HTR4: variants seen among roughly 807,000 people sequenced by gnomAD.
The protein encoded by HTR4 is 5-hydroxytryptamine receptor 4.
HTR4 carries 16 observed loss-of-function variants against 36.8 expected under a neutral mutation model. The ratio of observed to expected loss-of-function variants is 0.43; its 90% CI spans 0.29 to 0.66. HTR4 has a LOEUF of 0.66. Ranked by LOEUF, HTR4 falls within the 30% of genes least tolerant of loss-of-function variation. The pLI is 0.13. For synonymous variants in HTR4, 189 were observed against 185.1 expected (o/e 1.02, Z -0.17); for missense variants, 438 against 490.9 (o/e 0.89, Z 1.02).
At chr5:148,505,906 C>T (rs1757175352) in intron 6 of HTR4, among the ~76,000 whole-genome samples, 1 of 152,156 alleles carries the variant, frequency 6.6e-6, no homozygotes, top group African/African-American at 2.4e-5. Flanking sequence ...ATTCCATGCT[C>T]ATGGATAGGA....
intron 4 of HTR4, among the ~76,000 whole-genome samples, chr5:148,528,261 C>A (rs893476708): frequency 6.6e-6 from 1 of 152,122 alleles, no homozygotes; most frequent in Non-Finnish European, 1.5e-5. Context: ...TTGACCTCTG[C>A]AGCTTCTTCA....
intron 2 of HTR4, among the ~76,000 whole-genome samples, chr5:148,617,618 G>A (rs1208898392): frequency 1.3e-4 from 19 of 151,834 alleles, no homozygotes; most frequent in African/African-American, 4.3e-4. Context: ...ACAGGTGCAC[G>A]CCACCACACC....
At position 148,481,631 on chromosome 5, in the gene HTR4, T is replaced by C. The variant is rs200338220; in HGVS notation, c.*1572A>G. The C allele has an allele frequency of 1.1e-4, 172 of 1,497,684 alleles. No individual in the cohort carries two copies. The highest frequency in any genetic ancestry group is 1.4e-4 in the Non-Finnish European group (155 of 1,134,942). 92.8% of individuals were successfully genotyped at this position (1,497,684 alleles called of 1,614,324 possible). Reference sequence around the variant, plus strand: ...TTCCTGTCGGTTTCAGTTCCAGAACTAAAGTAAACAACAATGGAAACAATA... The same window carrying C: ...TTCCTGTCGGTTTCAGTTCCAGAACCAAAGTAAACAACAATGGAAACAATA... On this transcript the variant is annotated 3_prime_UTR_variant, in exon 7 of 7. Coordinates refer to ENST00000377888, the MANE Select transcript of HTR4 (RefSeq NM_000870.7).
At chr5:148,562,233 A>G (rs1034259225) in intron 2 of HTR4, among the ~76,000 whole-genome samples, 4 of 152,212 alleles carry the variant, frequency 2.6e-5, no homozygotes, top group African/African-American at 7.2e-5. Context: ...GAGAGATTTC[A>G]TGGCCCGAAG....
intron 2 of HTR4, among the ~76,000 whole-genome samples, chr5:148,560,871 A>G (rs1238216571): frequency 6.6e-6 from 1 of 152,190 alleles, no homozygotes; most frequent in Non-Finnish European, 1.5e-5. Context: ...TTCCTTTAAA[A>G]AAACACATGC....
In HTR4 at chr5:148,512,441, CTCTT is replaced by C. The variant is rs35057529; in HGVS notation, c.508-2421_508-2418del. Reference sequence around the variant, plus strand: ...CCATTTTAAAAATTAAGTTGTAACTCTCTTTCTTATTGATTTTTAATATAATAGT... The same window carrying C: ...CCATTTTAAAAATTAAGTTGTAACTCTCTTATTGATTTTTAATATAATAGT... On this transcript the variant is annotated intron_variant, in intron 5 of 6. Transcript: ENST00000377888. 7.1e-3 allele frequency among the ~76,000 whole-genome samples: 1,086 copies of C among 152,232 alleles called. 14 individuals are homozygous for C. Among genetic ancestry groups the C allele is most frequent in the African/African-American group, 0.025 (1,036 of 41,534 alleles).
chr5:148,505,304 C>A (rs1430041161), intron 6 of HTR4, among the ~76,000 whole-genome samples: 1 of 152,106 alleles, frequency 6.6e-6, no homozygotes, highest in African/African-American at 2.4e-5. Flanking sequence ...CAGAAAAGGC[C>A]TTTGACAAAA....
downstream of HTR4, chr5:148,481,469 G>A: frequency 9.4e-7 from 1 of 1,058,922 alleles, no homozygotes; most frequent in Non-Finnish European, 1.4e-6. Flanking sequence ...TCTTTCAGAG[G>A]CTATTTTCCT....
chr5:148,646,747 C>T (rs146016014), intron 1 of HTR4, among the ~76,000 whole-genome samples: 1 of 152,188 alleles, frequency 6.6e-6, no homozygotes, highest in African/African-American at 2.4e-5. Flanking sequence ...TAACCCTTCA[C>T]GTGCATTACT....
chr5:148,550,162 C>A lies in HTR4; in HGVS notation c.127G>T (p.Ala43Ser). Reference sequence around the variant, plus strand: ...CTGAGCTGCCTGTCCCAGCACACAGCCACCATCACCAGCAGGTTCCCCAAG... The same window carrying A: ...CTGAGCTGCCTGTCCCAGCACACAGACACCATCACCAGCAGGTTCCCCAAG... Reference protein sequence around the residue: ...AILGNLLVMVAVCWDRQLRKI... With the variant: ...AILGNLLVMVSVCWDRQLRKI... Residue 43 changes from alanine to serine, a missense_variant, in exon 3 of 7, where the codon GCT becomes TCT. Ala to Ser is a moderately conservative substitution (Grantham distance 99, BLOSUM62 1). Coordinates refer to ENST00000377888, the MANE Select transcript of HTR4 (RefSeq NM_000870.7). The A allele has an allele frequency of 6.2e-7, 1 of 1,614,102 alleles. No homozygotes were observed. The highest frequency in any genetic ancestry group is 8.5e-7 in the Non-Finnish European group (1 of 1,180,000).
At chr5:148,525,702 C>T (rs1026233578) in intron 4 of HTR4, among the ~76,000 whole-genome samples, 12 of 152,184 alleles carry the variant, frequency 7.9e-5, no homozygotes, top group South Asian at 4.1e-4. Context: ...TTTAAATAAA[C>T]CACCTCATAT....
intron 5 of HTR4, among the ~76,000 whole-genome samples, chr5:148,470,433 G>T (rs919993935): frequency 6.6e-6 from 1 of 152,202 alleles, no homozygotes; most frequent in Non-Finnish European, 1.5e-5. Context: ...TATAGAATAG[G>T]AGTTGCCAAC....
intron 2 of HTR4, among the ~76,000 whole-genome samples, chr5:148,607,845 TTTTAGGGAAGTCAAC>T (rs1299097093): frequency 3.9e-5 from 6 of 152,292 alleles, no homozygotes; most frequent in Admixed American, 1.3e-4. Flanking sequence ...TGGCTAGAGT[TTTTAGGGAAGTCAAC>T]TTTAGGGAAG....
Position 148,451,948 on chromosome 5 carries a change from C to G in HTR4, c.1077-676G>C, listed in dbSNP as rs540285213. Among the ~76,000 whole-genome samples the G allele has an allele frequency of 6.6e-5, 10 of 152,288 alleles. 2 individuals carry two copies. The highest frequency in any genetic ancestry group is 2.4e-4 in the African/African-American group (10 of 41,538). On this transcript the variant is annotated intron_variant, in intron 5 of 5. Coordinates refer to the HTR4 transcript ENST00000521530. ...TTACCCAGATTCCAGCATCTGGCAG[C>G]CATTCCTATGAAATTTCTACAGATT...
At chr5:148,504,063 C>A (rs1046219447) in intron 6 of HTR4, among the ~76,000 whole-genome samples, 3 of 152,176 alleles carry the variant, frequency 2.0e-5, no homozygotes, top group South Asian at 2.1e-4. Flanking sequence ...TAACACCCCA[C>A]TGTCAACATT....
At chr5:148,535,171 A>G (rs979555997) in intron 4 of HTR4, among the ~76,000 whole-genome samples, 1 of 152,210 alleles carries the variant, frequency 6.6e-6, no homozygotes, top group Admixed American at 6.5e-5. Flanking sequence ...AGTCAGCTTC[A>G]AATAAAGACT....
chr5:148,520,878 C>T (rs761397243), intron 5 of HTR4: 18 of 1,367,324 alleles, frequency 1.3e-5, no homozygotes, highest in East Asian at 4.6e-5. Context: ...CTTCTGCCTC[C>T]GGCATTTCTT....
intron 5 of HTR4, among the ~76,000 whole-genome samples, chr5:148,466,141 TTAA>T (rs1755421192): frequency 1.3e-5 from 2 of 152,206 alleles, no homozygotes; most frequent in African/African-American, 4.8e-5. Flanking sequence ...AAAAGCACAC[TTAA>T]GTTAGTGTTT....
At chr5:148,553,483 A>C (rs755140375) in intron 2 of HTR4, among the ~76,000 whole-genome samples, 2 of 152,190 alleles carry the variant, frequency 1.3e-5, no homozygotes, top group Non-Finnish European at 2.9e-5. Flanking sequence ...TGGATAGAGA[A>C]ATTTTTAAAA....
Sources: gnomAD v4.1 joint callset for allele counts (sites outside exome capture counted in the v4.1 genomes callset) on GRCh38, gnomAD v4.1.1 for gene constraint, MANE v1.5 for transcripts, NCBI Gene and HGNC (gene_info 2026-07-23, HGNC 2026-07-21) for gene names.